Variants in AK8 observed in about 807,000 individuals in gnomAD.
AK8 encodes adenylate kinase 8.
AK8 carries 44 observed loss-of-function variants against 54.6 expected under a neutral mutation model. The observed-to-expected ratio is 0.81, with a 90% confidence interval of 0.63 to 1.04. The LOEUF (loss-of-function observed/expected upper bound fraction) is 1.04, where lower values mean the gene tolerates loss of function less well. AK8 is among the 50% of genes least tolerant of loss of function. AK8 has a pLI of 0.00. For missense variants in AK8, 555 were observed against 613.6 expected (o/e 0.90, Z 1.01); for synonymous variants, 239 against 245.6 (o/e 0.97, Z 0.25).
chr9:132,846,892 G>C (rs1346189344), intron 5 of AK8, among the ~76,000 whole-genome samples: 1 of 152,234 alleles, frequency 6.6e-6, no homozygotes, highest in Admixed American at 6.5e-5. Context: ...AGTAACACTG[G>C]CCATGTAGGG....
intron 11 of AK8, among the ~76,000 whole-genome samples, chr9:132,765,292 CAAAAAAA>C (rs61495439): frequency 0.01 from 649 of 62,814 alleles, 13 homozygotes; most frequent in Middle Eastern, 0.034. Context: ...GACTCCATTT[CAAAAAAA>C]AAAAAAAAAA....
chr9:132,733,406 G>C (rs957371733), intron 11 of AK8, among the ~76,000 whole-genome samples: 2 of 152,216 alleles, frequency 1.3e-5, no homozygotes, highest in African/African-American at 4.8e-5. Context: ...GACGCCAGTA[G>C]AAAGGAAGCC....
At chr9:132,877,940 C>T in intron 1 of AK8, 2 of 1,053,366 alleles carry the variant, frequency 1.9e-6, no homozygotes, top group Non-Finnish European at 2.8e-6. Flanking sequence ...GCTCGAGTGG[C>T]CCCCTTCCTC....
intron 11 of AK8, among the ~76,000 whole-genome samples, chr9:132,746,759 T>C (rs996563284): frequency 2.0e-5 from 3 of 152,136 alleles, no homozygotes; most frequent in Non-Finnish European, 2.9e-5. Context: ...GGTGGAAAAG[T>C]TGCAGGAACC....
rs1839901104 is a variant in AK8, at chr9:132,790,496, C to A, written c.1121+2138G>T. 6.6e-6 allele frequency among the ~76,000 whole-genome samples: 1 copy of A among 152,156 alleles called. No homozygotes were observed. Among genetic ancestry groups the A allele is most frequent in the East Asian group, 1.9e-4 (1 of 5,184 alleles). The stretch of plus-strand genomic sequence containing the variant: ...CGATCTCCTGACCTCATGATCCACC[C>A]ACCTCGGCCTCCCAAAGTGCTGGGA... On this transcript the variant is annotated intron_variant, in intron 11 of 12. Transcript: ENST00000298545. This position sits in a 1 kb window ranked among gnomAD's most constrained non-coding sequence, Gnocchi z 4.1.
chr9:132,831,449 C>G (rs1219620553), intron 5 of AK8, among the ~76,000 whole-genome samples: 2 of 152,206 alleles, frequency 1.3e-5, no homozygotes, highest in African/African-American at 2.4e-5. Flanking sequence ...TACACACACA[C>G]ACACAATGTA....
intron 11 of AK8, among the ~76,000 whole-genome samples, chr9:132,745,305 C>T (rs181374281): frequency 6.8e-4 from 104 of 152,216 alleles, no homozygotes; most frequent in Admixed American, 3.0e-3. Flanking sequence ...AATGGGGAAC[C>T]GCGGGCTGCC....
intron 11 of AK8, among the ~76,000 whole-genome samples, chr9:132,754,824 A>C (rs373129884): frequency 6.9e-6 from 1 of 145,374 alleles, no homozygotes; most frequent in Non-Finnish European, 1.5e-5. Flanking sequence ...TTTGAGACAG[A>C]GTTTTGCTCT....
intron 9 of AK8, among the ~76,000 whole-genome samples, chr9:132,815,063 G>A (rs982184266): frequency 1.3e-5 from 2 of 152,236 alleles, no homozygotes; most frequent in African/African-American, 4.8e-5. Context: ...GCAGAACTCG[G>A]CGCCCTCCAG....
At chr9:132,869,041 G>A (rs577211129) in intron 2 of AK8, among the ~76,000 whole-genome samples, 1 of 152,132 alleles carries the variant, frequency 6.6e-6, no homozygotes, top group East Asian at 1.9e-4. Flanking sequence ...TTAGACAGGC[G>A]TGGTGGCACA....
intron 4 of AK8, among the ~76,000 whole-genome samples, chr9:132,862,455 G>A (rs925424824): frequency 1.6e-4 from 25 of 152,018 alleles, no homozygotes; most frequent in African/African-American, 6.0e-4. Flanking sequence ...AGTCTCCTGG[G>A]TAGCTGGGAA....
intron 11 of AK8, among the ~76,000 whole-genome samples, chr9:132,750,204 C>T (rs1055150255): frequency 3.3e-5 from 5 of 151,882 alleles, no homozygotes; most frequent in Admixed American, 3.3e-4. Context: ...CTGCAACCTC[C>T]GCCTCCTGGG....
At chr9:132,763,384 A>T (rs527546035) in intron 11 of AK8, among the ~76,000 whole-genome samples, 1 of 152,318 alleles carries the variant, frequency 6.6e-6, no homozygotes, top group Admixed American at 6.5e-5. Context: ...TTAAGGAGGA[A>T]ATTAAAAAAT....
At chr9:132,849,883 T>C (rs552980618) in intron 5 of AK8, among the ~76,000 whole-genome samples, 1 of 151,878 alleles carries the variant, frequency 6.6e-6, no homozygotes, top group Admixed American at 6.6e-5. Flanking sequence ...GTAGCTGCGA[T>C]TACAGGTGCA....
chr9:132,759,288 A>G (rs1838342817), intron 11 of AK8, among the ~76,000 whole-genome samples: 1 of 151,060 alleles, frequency 6.6e-6, no homozygotes, highest in South Asian at 2.1e-4. Context: ...TTTTCTGCCC[A>G]TTTTTATATT....
At chr9:132,844,351 C>A in intron 5 of AK8, among the ~76,000 whole-genome samples, 1 of 147,786 alleles carries the variant, frequency 6.8e-6, no homozygotes, top group South Asian at 2.2e-4. Context: ...CCTGCATTAA[C>A]TACAGAATCC....
chr9:132,783,575 T>TAA (rs778604551), intron 11 of AK8, among the ~76,000 whole-genome samples: 12 of 123,942 alleles, frequency 9.7e-5, no homozygotes, highest in Non-Finnish European at 1.2e-4. Context: ...GCATAAAAGT[T>TAA]AAAAAAAAAA....
At chr9:132,774,527 C>T (rs563035957) in intron 11 of AK8, among the ~76,000 whole-genome samples, 17 of 152,220 alleles carry the variant, frequency 1.1e-4, no homozygotes, top group Admixed American at 2.6e-4. Flanking sequence ...TTTAGTTATG[C>T]CTGTAAGGAA....
chr9:132,830,771 C>A (rs894821975), intron 5 of AK8, among the ~76,000 whole-genome samples: 2 of 152,188 alleles, frequency 1.3e-5, no homozygotes, highest in Non-Finnish European at 2.9e-5. Context: ...GCTTTTAACA[C>A]ACCAGTTTGT....
Sources: allele counts gnomAD v4.1 joint callset (sites outside exome capture counted in the v4.1 genomes callset), GRCh38; gene constraint gnomAD v4.1.1; non-coding constraint Gnocchi (gnomAD v3.1); transcripts MANE v1.5; gene names NCBI Gene and HGNC (gene_info 2026-07-23, HGNC 2026-07-21).